Variants in UGT2B17 observed in about 807,000 individuals in gnomAD.
UGT2B17 encodes the protein UDP glucuronosyltransferase family 2 member B17.
UGT2B17 carries 21 observed loss-of-function variants against 48.2 expected under a neutral mutation model. That is an observed-to-expected ratio of 0.44 (90% CI 0.31 to 0.63). The LOEUF (loss-of-function observed/expected upper bound fraction) is 0.63. Among genes scored for constraint, UGT2B17 ranks in the 20% least tolerant of loss-of-function variants. UGT2B17 has a pLI of 0.08. For missense variants in UGT2B17, 402 were observed against 696.1 expected, an observed-to-expected ratio of 0.58 and a Z score of 4.75; for synonymous variants, 146 against 238.4, an observed-to-expected ratio of 0.61 and a Z score of 3.57.
intron 4 of UGT2B17, among the ~76,000 whole-genome samples, chr4:68,554,620 A>G (rs1247666555): frequency 8.0e-6 from 1 of 125,358 alleles, no homozygotes; most frequent in African/African-American, 2.7e-5. Context: ...ATATATTTAA[A>G]AGGCCATTAT....
rs1731060705 is a variant in UGT2B17 at position 68,559,327 on chromosome 4, A to G, written c.1005+1210T>C. On this transcript the variant is annotated intron_variant, in intron 4 of 6. Transcript: ENST00000317746. ...CTTTTGTAAATGCTAACAATGTAGG[A>G]AAAAGGAGCCCATTGACAATTCATG... Among the ~76,000 whole-genome samples the G allele has an allele frequency of 1.6e-5, 2 of 126,098 alleles. 1 individual carries two copies. The highest frequency in any genetic ancestry group is 1.6e-4 in the Admixed American group (2 of 12,264). The allele number at this position is 126,098 out of a possible 152,430, so 82.7% of individuals were successfully genotyped here. A position where few individuals can be genotyped will look rare whatever the true frequency, so the allele number is the denominator to read the frequency against.
In UGT2B17 at chr4:68,546,776, C is replaced by T. The variant is rs1315315069; in HGVS notation, c.1313+3901G>A. Reference sequence around the variant, plus strand: ...CAAAAATCACAAGCATTCTTATACACCCATAACAGACAAACAGAGAGCCAA... The same window carrying T: ...CAAAAATCACAAGCATTCTTATACATCCATAACAGACAAACAGAGAGCCAA... On this transcript the variant is annotated intron_variant, in intron 6 of 6. Coordinates refer to ENST00000317746, the MANE Select transcript of UGT2B17 (RefSeq NM_001077.4). 2.4e-5 allele frequency among the ~76,000 whole-genome samples: 3 copies of T among 124,586 alleles called. 1 individual carries two copies. Among genetic ancestry groups the T allele is most frequent in the Non-Finnish European group, 5.1e-5 (3 of 59,066 alleles). The allele number at this position is 124,586 out of a possible 152,430, so 81.7% of individuals were successfully genotyped here.
chr4:68,569,012 C>T (rs1186501710), intron 1 of UGT2B17, among the ~76,000 whole-genome samples: 2 of 136,356 alleles, frequency 1.5e-5, no homozygotes, highest in African/African-American at 2.5e-5. Flanking sequence ...TGCATCCATC[C>T]TACCCTAGGC....
At chr4:68,566,395 C>A (rs1370765545) in intron 2 of UGT2B17, among the ~76,000 whole-genome samples, 2 of 116,998 alleles carry the variant, frequency 1.7e-5, no homozygotes, top group Non-Finnish European at 3.5e-5. Context: ...CCACCCAAAT[C>A]TCCTCTCATC....
At chr4:68,544,348 G>A (rs1347921096) in intron 6 of UGT2B17, among the ~76,000 whole-genome samples, 7 of 125,492 alleles carry the variant, frequency 5.6e-5, no homozygotes, top group African/African-American at 1.9e-4. Context: ...CATAAGTGAA[G>A]GAGAAATAAA....
intron 6 of UGT2B17, among the ~76,000 whole-genome samples, chr4:68,547,512 T>TGGGCAA (rs1186398766): frequency 8.0e-6 from 1 of 124,306 alleles, no homozygotes; most frequent in Non-Finnish European, 1.7e-5. Context: ...GACATAGGCA[T>TGGGCAA]GGGCAAGGAC....
intron 2 of UGT2B17, among the ~76,000 whole-genome samples, chr4:68,566,075 A>T (rs1731195882): frequency 8.5e-6 from 1 of 118,314 alleles, no homozygotes; most frequent in Non-Finnish European, 1.7e-5. Context: ...TTTATTAATA[A>T]AACATTAATA....
In UGT2B17 at chr4:68,562,730, C is replaced by T. The variant is rs1236212805; in HGVS notation, c.874-2062G>A. 1.6e-5 allele frequency among the ~76,000 whole-genome samples: 2 copies of T among 126,240 alleles called. 1 individual carries two copies. The highest frequency in any genetic ancestry group is 3.4e-5 in the Non-Finnish European group (2 of 59,626). 82.8% of individuals were successfully genotyped at this position (126,240 alleles called of 152,430 possible). On this transcript the variant is annotated intron_variant, in intron 3 of 6. Transcript: ENST00000317746. The stretch of plus-strand genomic sequence containing the variant: ...AATCATTTTTCCCATATCTCTATCT[C>T]AATTTAAAATGTGTACCATTTCATT...
Position 68,550,864 on chromosome 4 carries a change from C to T in UGT2B17, c.1126G>A (p.Gly376Ser). 10 of 1,375,586 alleles carry T rather than the reference C, an allele frequency of 7.3e-6. 3 individuals are homozygous for T. Among genetic ancestry groups the T allele is most frequent in the Non-Finnish European group, 9.5e-6 (10 of 1,056,598 alleles). 85.2% of individuals were successfully genotyped at this position (1,375,586 alleles called of 1,614,324 possible). The change falls in exon 6 of 7, where the codon GGT becomes AGT. Residue 376 changes from glycine (G) to serine (S), a missense_variant. Coordinates refer to ENST00000317746, the MANE Select transcript of UGT2B17 (RefSeq NM_001077.4). ...HPKTKAFITH[G>S]GTNGIYEAIY... ...GCCTCATAGATGCCATTGGTTCCAC[C>T]ATGAGTTATAAAAGCTTTGGTTTTG...
At chr4:68,567,607 A>C (rs537698192) in intron 2 of UGT2B17, among the ~76,000 whole-genome samples, 154 bp downstream of exon 2, 1 of 125,708 alleles carries the variant, frequency 8.0e-6, no homozygotes, top group Admixed American at 8.2e-5. Context: ...TAAGGTCAAC[A>C]TTCTATATTT....
rs1212855327 is a variant in UGT2B17, at chr4:68,574,794, CT to C, written c.-65+1156del. 3.2e-5 allele frequency among the ~76,000 whole-genome samples: 4 copies of C among 126,032 alleles called. 1 individual carries two copies. Among genetic ancestry groups the C allele is most frequent in the African/African-American group, 1.1e-4 (4 of 36,886 alleles). 82.7% of individuals were successfully genotyped at this position (126,032 alleles called of 152,430 possible). A position where few individuals can be genotyped will look rare whatever the true frequency, so the allele number is the denominator to read the frequency against. ...ATTTTTTGCATAAAATTTTTTATAA[CT>C]TTTTTTCACGACTTTCGCCAACAAT... is the stretch of plus-strand genomic sequence containing the variant. On this transcript the variant is annotated intron_variant, in intron 1 of 6. Transcript: ENST00000317746.
chr4:68,561,095 A>AT (rs1487852938), intron 3 of UGT2B17, among the ~76,000 whole-genome samples: 2 of 122,018 alleles, frequency 1.6e-5, no homozygotes, highest in African/African-American at 5.6e-5. Context: ...ATTTTATTTT[A>AT]TTTTTTTCTG....
Position 68,568,212 on chromosome 4 carries a change from C to T in UGT2B17, c.273G>A (p.Met91Ile), listed in dbSNP as rs1351493392. Residue 91 changes from methionine (M) to isoleucine (I), a missense_variant, in exon 2 of 7, where the codon ATG (methionine) becomes ATA (isoleucine). Met to Ile is a conservative substitution (Grantham distance 10, BLOSUM62 1). Around this residue, in one of 5 missense-constraint regions of UGT2B17, gnomAD observed 84 missense variants for 92.6 expected, o/e 0.91. Coordinates refer to ENST00000317746, the MANE Select transcript of UGT2B17 (RefSeq NM_001077.4). ...TATATGTCCATCTATCGAACATTTT[C>T]ATAAAAAAATCTTCCAAATCATTTT... ...LTKNDLEDFF[M>I]KMFDRWTYSI... 7 of 1,371,522 alleles carry T rather than the reference C, an allele frequency of 5.1e-6. 1 individual carries two copies. Among genetic ancestry groups the T allele is most frequent in the Non-Finnish European group, 6.7e-6 (7 of 1,052,132 alleles). 85.0% of individuals were successfully genotyped at this position (1,371,522 alleles called of 1,614,324 possible). A position where few individuals can be genotyped will look rare whatever the true frequency, so the allele number is the denominator to read the frequency against.
intron 1 of UGT2B17, among the ~76,000 whole-genome samples, chr4:68,570,458 G>A (rs1731281528): frequency 7.9e-6 from 1 of 126,812 alleles, no homozygotes; most frequent in Non-Finnish European, 1.7e-5. Flanking sequence ...GAGCCAGGCT[G>A]CCTGTCTTTG....
At chr4:68,558,756 T>C (rs1303267044) in intron 4 of UGT2B17, among the ~76,000 whole-genome samples, 1 of 125,552 alleles carries the variant, frequency 8.0e-6, no homozygotes, top group African/African-American at 2.7e-5. Flanking sequence ...AAGATTTTTT[T>C]AAAATGTAAA....
chr4:68,540,169 T>C (rs1243024377), intron 6 of UGT2B17, among the ~76,000 whole-genome samples: 1 of 126,476 alleles, frequency 7.9e-6, no homozygotes. Flanking sequence ...TATACAGATA[T>C]ATGTGCAATA....
Position 68,551,841 on chromosome 4 carries a change from G to A in UGT2B17, c.1076C>T (p.Pro359Leu). 4 of 1,352,852 alleles carry A rather than the reference G, an allele frequency of 3.0e-6. 1 individual carries two copies. Among genetic ancestry groups the A allele is most frequent in the African/African-American group, 3.0e-5 (2 of 67,250 alleles). The allele number at this position is 1,352,852 out of a possible 1,614,324, so 83.8% of individuals were successfully genotyped here. ...AGTCTTACCAAGAAGGTCATTCTGG[G>A]GTAACCACTTATACAGTCGAGTATT... is the stretch of plus-strand genomic sequence containing the variant. ...GSNTRLYKWL[P>L]QNDLLGHPKT... The change falls in exon 5 of 7, where the codon CCC (proline) becomes CTC (leucine). Residue 359 changes from proline to leucine, a missense_variant. This residue lies in a region of UGT2B17 where 156 missense variants were observed against 258.6 expected (regional missense o/e 0.60). Transcript: ENST00000317746.
rs528268973 is a variant in UGT2B17, at chr4:68,546,764, C to A, written c.1313+3913G>T. 1.6e-5 allele frequency among the ~76,000 whole-genome samples: 2 copies of A among 125,006 alleles called. 1 individual carries two copies. The highest frequency in any genetic ancestry group is 7.7e-4 in the South Asian group (2 of 2,596). 82.0% of individuals were successfully genotyped at this position (125,006 alleles called of 152,430 possible). Reference sequence around the variant, plus strand: ...AAAATCAATGTGCAAAAATCACAAGCATTCTTATACACCCATAACAGACAA... The same window carrying A: ...AAAATCAATGTGCAAAAATCACAAGAATTCTTATACACCCATAACAGACAA... On this transcript the variant is annotated intron_variant, in intron 6 of 6. Transcript: ENST00000317746.
intron 6 of UGT2B17, among the ~76,000 whole-genome samples, chr4:68,547,674 C>T (rs1560576103): frequency 1.6e-5 from 2 of 126,072 alleles, no homozygotes; most frequent in Non-Finnish European, 3.4e-5. Context: ...GCAATCTACT[C>T]ATCTGACAAA....
Sources: allele counts gnomAD v4.1 joint callset (sites outside exome capture counted in the v4.1 genomes callset), GRCh38; gene constraint gnomAD v4.1.1; regional missense constraint gnomAD v4.1.1; transcripts MANE v1.5; gene names NCBI Gene and HGNC (gene_info 2026-07-23, HGNC 2026-07-21).